ZRANB3: variants seen among roughly 807,000 people sequenced by gnomAD.
ZRANB3 encodes the protein DNA annealing helicase and endonuclease ZRANB3.
ZRANB3 carries 125 observed loss-of-function variants against 133.8 expected under a neutral mutation model. The observed-to-expected ratio is 0.93, with a 90% confidence interval of 0.81 to 1.08. The LOEUF is 1.08. ZRANB3 is among the 50% of genes least tolerant of loss of function. The probability of loss-of-function intolerance (pLI) is 0.00; values close to 1 mark genes in which losing one functional copy is unlikely to be tolerated. For synonymous variants in ZRANB3, 387 were observed against 432.7 expected (o/e 0.89, Z 1.31); for missense variants, 1,229 against 1,275.5 (o/e 0.96, Z 0.56).
At chr2:135,284,805 C>T (rs890727101) in intron 8 of ZRANB3, among the ~76,000 whole-genome samples, 1 of 151,606 alleles carries the variant, frequency 6.6e-6, no homozygotes, top group African/African-American at 2.4e-5. Flanking sequence ...CACTTCCTTT[C>T]CTTTTGTAAC....
chr2:135,304,012 C>T (rs1019586752), intron 8 of ZRANB3, among the ~76,000 whole-genome samples: 8 of 152,122 alleles, frequency 5.3e-5, no homozygotes, highest in Non-Finnish European at 7.4e-5. Flanking sequence ...AATCACTCTT[C>T]GATTTTCTAT....
At chr2:135,367,351 C>T (rs1271982056) in intron 3 of ZRANB3, among the ~76,000 whole-genome samples, 4 of 152,126 alleles carry the variant, frequency 2.6e-5, no homozygotes, top group South Asian at 2.1e-4. Context: ...GGACTGGAGG[C>T]GGGGACTGCT....
At chr2:135,464,474 C>T (rs1031953290) in intron 2 of ZRANB3, among the ~76,000 whole-genome samples, 2 of 152,186 alleles carry the variant, frequency 1.3e-5, no homozygotes, top group Admixed American at 1.3e-4. Context: ...GGGAAATTCA[C>T]ATTAGGTGCT....
chr2:135,397,816 G>A (rs2104934718), intron 2 of ZRANB3, among the ~76,000 whole-genome samples: 1 of 152,122 alleles, frequency 6.6e-6, no homozygotes, highest in South Asian at 2.1e-4. Flanking sequence ...TGCTTTTACA[G>A]CCCTAGATCA....
At chr2:135,450,835 A>T (rs1488790577) in intron 2 of ZRANB3, among the ~76,000 whole-genome samples, 1 of 152,178 alleles carries the variant, frequency 6.6e-6, no homozygotes, top group Admixed American at 6.6e-5. Flanking sequence ...GGGGGAGCTG[A>T]GCATCTGGGA....
intron 2 of ZRANB3, among the ~76,000 whole-genome samples, chr2:135,461,222 G>T (rs937370148): frequency 6.6e-5 from 10 of 152,062 alleles, no homozygotes; most frequent in African/African-American, 2.2e-4. Flanking sequence ...AATAAAAATG[G>T]CTGGTATACT....
intron 12 of ZRANB3, among the ~76,000 whole-genome samples, chr2:135,264,544 G>A (rs1680129155): frequency 6.6e-6 from 1 of 151,328 alleles, no homozygotes; most frequent in Admixed American, 6.6e-5. Context: ...TATCATTAAT[G>A]AACGCTAAAA....
intron 8 of ZRANB3, among the ~76,000 whole-genome samples, chr2:135,300,073 C>T (rs60994836): frequency 0.11 from 15,994 of 152,104 alleles, 1,101 homozygotes; most frequent in South Asian, 0.32. Flanking sequence ...AGGCCCAATG[C>T]TCTCTAACCA....
chr2:135,316,983 A>T (rs4954238), intron 6 of ZRANB3, among the ~76,000 whole-genome samples: 11,819 of 130,756 alleles, frequency 0.09, 697 homozygotes, highest in African/African-American at 0.18. Flanking sequence ...AAAAAAAAAA[A>T]ATATATATAT....
intron 12 of ZRANB3, among the ~76,000 whole-genome samples, chr2:135,254,752 T>G (rs1035983291): frequency 6.6e-6 from 1 of 152,084 alleles, no homozygotes; most frequent in African/African-American, 2.4e-5. Context: ...GTAGAACATT[T>G]TCTTTTTTTT....
intron 8 of ZRANB3, among the ~76,000 whole-genome samples, chr2:135,306,809 C>T (rs909784182): frequency 4.6e-5 from 7 of 151,832 alleles, no homozygotes; most frequent in African/African-American, 1.4e-4. Flanking sequence ...AGGCTGGTCT[C>T]GAACTCCTGA....
chr2:135,393,714 GA>G (rs1281608582), intron 2 of ZRANB3, among the ~76,000 whole-genome samples: 2 of 151,936 alleles, frequency 1.3e-5, no homozygotes, highest in Non-Finnish European at 2.9e-5. Flanking sequence ...TACAAATAAA[GA>G]AAAAATCTTC....
rs1693417953 is a variant in ZRANB3 at position 135,510,797 on chromosome 2, AAAACC to A, written c.-7-6306_-7-6302del. 6.0e-6 allele frequency: 5 copies of A among 828,040 alleles called. No homozygotes were observed. In the Admixed American group the frequency reaches 8.5e-5, roughly 14 times the overall value. 51.3% of individuals were successfully genotyped at this position (828,040 alleles called of 1,614,324 possible). On this transcript the variant is annotated intron_variant, in intron 1 of 20. Coordinates refer to ENST00000264159, the MANE Select transcript of ZRANB3 (RefSeq NM_032143.4). ...TGAACAGGCTCAGAATCATCAAAAC[AAAACC>A]AAAACTGGGTAATTTCCCACCACTG...
intron 1 of ZRANB3, among the ~76,000 whole-genome samples, 186 bp from the exon 2 acceptor site, chr2:135,504,682 A>G (rs1423906519): frequency 6.6e-6 from 1 of 152,190 alleles, no homozygotes. Flanking sequence ...TTTGAAAGCA[A>G]TTACTTAATG....
chr2:135,334,897 A>C (rs1294312121), intron 6 of ZRANB3, among the ~76,000 whole-genome samples: 1 of 152,092 alleles, frequency 6.6e-6, no homozygotes, highest in Non-Finnish European at 1.5e-5. Context: ...TCCATCTCAA[A>C]AATAAATATA....
chr2:135,507,987 A>C (rs1356162561), intron 1 of ZRANB3, among the ~76,000 whole-genome samples: 1 of 151,008 alleles, frequency 6.6e-6, no homozygotes, highest in Non-Finnish European at 1.5e-5. Flanking sequence ...AGAGAGAGAG[A>C]GAATAACAAA....
At chr2:135,269,424 G>A (rs533075506) in intron 10 of ZRANB3, among the ~76,000 whole-genome samples, 293 of 152,098 alleles carry the variant, frequency 1.9e-3, no homozygotes, top group African/African-American at 6.6e-3. Flanking sequence ...GATGATGAAC[G>A]GATTCACATT....
intron 3 of ZRANB3, among the ~76,000 whole-genome samples, chr2:135,362,534 C>A (rs1438701315): frequency 6.6e-6 from 1 of 152,148 alleles, no homozygotes; most frequent in East Asian, 1.9e-4. Context: ...GGTGGCAGAA[C>A]TTAAGTAGAG....
chr2:135,242,413 C>T (rs943816821), intron 12 of ZRANB3, among the ~76,000 whole-genome samples: 1 of 151,464 alleles, frequency 6.6e-6, no homozygotes, highest in East Asian at 1.9e-4. Flanking sequence ...GTGTGTGTTT[C>T]GGTTTTCCAT....
Sources: allele counts gnomAD v4.1 joint callset (sites outside exome capture counted in the v4.1 genomes callset), GRCh38; gene constraint gnomAD v4.1.1; transcripts MANE v1.5; gene names NCBI Gene and HGNC (gene_info 2026-07-23, HGNC 2026-07-21).